PTPRT: variants seen among roughly 807,000 people sequenced by gnomAD.
The protein encoded by PTPRT is receptor-type tyrosine-protein phosphatase T.
PTPRT carries 56 observed loss-of-function variants against 176.8 expected under a neutral mutation model. That is an observed-to-expected ratio of 0.32 (90% CI 0.26 to 0.40). PTPRT has a LOEUF of 0.40. Ranked by LOEUF, PTPRT falls within the 10% of genes least tolerant of loss-of-function variation. PTPRT has a pLI of 1.00. For synonymous variants in PTPRT, 783 were observed against 739.0 expected (o/e 1.06, Z -0.96); for missense variants, 1,540 against 1,908.2 (o/e 0.81, Z 3.60).
intron 7 of PTPRT, among the ~76,000 whole-genome samples, chr20:42,474,712 G>A (rs1488791141): frequency 6.6e-6 from 1 of 152,268 alleles, no homozygotes; most frequent in East Asian, 1.9e-4. Flanking sequence ...CAGTTGTACC[G>A]ACTGCAATGA....
chr20:42,881,706 C>T (rs967882310), intron 2 of PTPRT, among the ~76,000 whole-genome samples: 1 of 110,772 alleles, frequency 9.0e-6, no homozygotes, highest in African/African-American at 3.6e-5. Flanking sequence ...GCCTGGGCAA[C>T]AGAGCGACAC....
At chr20:43,117,939 G>A (rs1442981464) in intron 1 of PTPRT, among the ~76,000 whole-genome samples, 1 of 152,150 alleles carries the variant, frequency 6.6e-6, no homozygotes, top group Non-Finnish European at 1.5e-5. Flanking sequence ...ACATTCAGTA[G>A]AGTCAACTCA....
chr20:42,746,114 T>C (rs1458526920), intron 6 of PTPRT, among the ~76,000 whole-genome samples: 1 of 152,238 alleles, frequency 6.6e-6, no homozygotes, highest in Non-Finnish European at 1.5e-5. Flanking sequence ...CACATCAGCA[T>C]GCAGCTGATA....
rs1042306578 is a variant in PTPRT at position 42,748,476 on chromosome 20, C to A, written c.859+7986G>T. On this transcript the variant is annotated intron_variant, in intron 6 of 30. Transcript: ENST00000373187. ...AAGCACAGAGCTCAAGGTGGCTTTG[C>A]CTCTCCTCCTAGCATGAGCTTGTCC... is the stretch of plus-strand genomic sequence containing the variant. Among the ~76,000 whole-genome samples, 8 of 152,298 alleles carry A rather than the reference C, an allele frequency of 5.3e-5. No individual in the cohort carries two copies. In the East Asian group the frequency reaches 1.4e-3, roughly 26 times the overall value.
At chr20:42,340,350 T>C (rs146705364) in intron 11 of PTPRT, among the ~76,000 whole-genome samples, 59 of 152,340 alleles carry the variant, frequency 3.9e-4, no homozygotes, top group African/African-American at 1.3e-3. Flanking sequence ...TTCGTAAGCC[T>C]ATACCTAAGT....
intron 7 of PTPRT, among the ~76,000 whole-genome samples, chr20:42,474,033 G>A (rs1320177798): frequency 5.3e-5 from 8 of 152,096 alleles, no homozygotes; most frequent in African/African-American, 1.9e-4. Flanking sequence ...TGAGATGCTT[G>A]TAAAGCAGTT....
At chr20:42,507,547 A>G (rs958396193) in intron 7 of PTPRT, among the ~76,000 whole-genome samples, 4 of 152,186 alleles carry the variant, frequency 2.6e-5, no homozygotes, top group Non-Finnish European at 2.9e-5. Flanking sequence ...TCTTCTATGT[A>G]AAAACAGGAC....
intron 1 of PTPRT, among the ~76,000 whole-genome samples, chr20:43,121,041 G>T (rs569854248): frequency 2.1e-4 from 32 of 151,834 alleles, no homozygotes; most frequent in African/African-American, 5.6e-4. Flanking sequence ...CAGGATAATT[G>T]CTGTCTTGAC....
chr20:42,909,041 G>T (rs1360718536), intron 1 of PTPRT, among the ~76,000 whole-genome samples: 1 of 152,142 alleles, frequency 6.6e-6, no homozygotes. Context: ...TGTAGTCCCA[G>T]CCACTTGGGA....
chr20:42,336,104 TA>T (rs2145454087), intron 11 of PTPRT, among the ~76,000 whole-genome samples: 1 of 152,236 alleles, frequency 6.6e-6, no homozygotes, highest in African/African-American at 2.4e-5. Context: ...ATTAATTATG[TA>T]ATAATATAAT....
At chr20:42,781,637 C>T (rs914517795) in intron 3 of PTPRT, among the ~76,000 whole-genome samples, 9 of 152,060 alleles carry the variant, frequency 5.9e-5, no homozygotes, top group Admixed American at 2.6e-4. Flanking sequence ...TCTCTAATAC[C>T]ATCCAGTTGT....
chr20:42,618,876 G>C (rs1468292869), intron 7 of PTPRT, among the ~76,000 whole-genome samples: 2 of 146,398 alleles, frequency 1.4e-5, no homozygotes, highest in Admixed American at 6.8e-5. Context: ...CACACTGATG[G>C]GTCTTGACTC....
At chr20:42,487,548 G>A (rs994742218) in intron 7 of PTPRT, among the ~76,000 whole-genome samples, 1 of 151,870 alleles carries the variant, frequency 6.6e-6, no homozygotes, top group Non-Finnish European at 1.5e-5. Context: ...ATCCGGGTGG[G>A]CCCCATGTAC....
At chr20:43,093,717 C>G (rs2011983762) in intron 1 of PTPRT, among the ~76,000 whole-genome samples, 1 of 152,178 alleles carries the variant, frequency 6.6e-6, no homozygotes, top group Non-Finnish European at 1.5e-5. Flanking sequence ...GGAATGAAAT[C>G]GAAACCCCTA....
intron 7 of PTPRT, among the ~76,000 whole-genome samples, chr20:42,677,562 G>T (rs781696324): frequency 5.9e-5 from 9 of 152,140 alleles, no homozygotes; most frequent in Middle Eastern, 3.2e-3. Flanking sequence ...CACAGAGCCA[G>T]TGTGTCTCAT....
At chr20:42,218,527 G>T (rs975674241) in intron 15 of PTPRT, among the ~76,000 whole-genome samples, 6 of 152,094 alleles carry the variant, frequency 3.9e-5, no homozygotes, top group Non-Finnish European at 7.3e-5. Flanking sequence ...TATAGCAAGG[G>T]GTTGATTTAC....
chr20:42,067,731 A>AT, the PTPRT span, among the ~76,000 whole-genome samples: 1 of 152,120 alleles, frequency 6.6e-6, no homozygotes, highest in Non-Finnish European at 1.5e-5. Context: ...CATCAAGTCC[A>AT]TTTTTTATCC....
chr20:42,816,448 T>C (rs1368948019), intron 2 of PTPRT, among the ~76,000 whole-genome samples: 1 of 152,214 alleles, frequency 6.6e-6, no homozygotes, highest in East Asian at 1.9e-4. Context: ...AACTGACTGA[T>C]ATGGTTTGGC....
At chr20:43,069,271 T>A (rs1486265900) in intron 1 of PTPRT, among the ~76,000 whole-genome samples, 2 of 152,216 alleles carry the variant, frequency 1.3e-5, no homozygotes, top group Non-Finnish European at 2.9e-5. Context: ...CGCATCCAGC[T>A]GGGACACTTC....
Sources: allele counts gnomAD v4.1 joint callset (sites outside exome capture counted in the v4.1 genomes callset), GRCh38; gene constraint gnomAD v4.1.1; transcripts MANE v1.5; gene names NCBI Gene and HGNC (gene_info 2026-07-23, HGNC 2026-07-21).